Variants in FAM20A observed in about 807,000 individuals in gnomAD.
FAM20A encodes pseudokinase FAM20A.
FAM20A carries 42 observed loss-of-function variants against 52.0 expected under a neutral mutation model. That is an observed-to-expected ratio of 0.81 (90% confidence interval 0.63 to 1.04). FAM20A has a LOEUF of 1.04. Ranked by LOEUF, FAM20A falls within the 50% of genes least tolerant of loss-of-function variation. The pLI is 0.00. For missense variants in FAM20A, 742 were observed against 712.7 expected (o/e 1.04, Z -0.47); for synonymous variants, 304 against 298.9 (o/e 1.02, Z -0.18).
rs750588173 is a variant in FAM20A at position 68,600,466 on chromosome 17, G to A, written c.201C>T (p.Ile67=). 7 of 1,608,370 alleles carry A rather than the reference G, an allele frequency of 4.4e-6. No individual in the cohort carries two copies. The highest frequency in any genetic ancestry group is 2.7e-5 in the African/African-American group (2 of 74,802). ...SAAAASDPGT[I]VHNFSRTEPR... is the part of the protein sequence containing the mutation. ...GCTCGGTTCGGGAAAAGTTGTGCAC[G>A]ATCGTGCCGGGGTCCGAGGCAGCTG... Residue 67 remains isoleucine (I), a synonymous_variant, in exon 1 of 11, where the codon ATC becomes ATT. Transcript: ENST00000592554. The surrounding 1 kb of genome is among the most constrained non-coding windows in gnomAD (Gnocchi z 6.2).
intron 1 of FAM20A, among the ~76,000 whole-genome samples, chr17:68,583,244 TG>T (rs1568776929): frequency 6.6e-6 from 1 of 152,194 alleles, no homozygotes; most frequent in African/African-American, 2.4e-5. Flanking sequence ...AGTTTTCTGT[TG>T]GGGCCCTAAC....
In FAM20A at chr17:68,535,519, T is replaced by A. The variant is rs768183149; in HGVS notation, c.*1958A>T. The A allele has an allele frequency of 2.6e-5, 12 of 454,058 alleles. No homozygotes were observed. The highest frequency in any genetic ancestry group is 1.9e-4 in the South Asian group (12 of 64,472). The allele number at this position is 454,058 out of a possible 1,614,324, so 28.1% of individuals were successfully genotyped here. Reference sequence around the variant, plus strand: ...GATATTTTCCCATTTCTGTGTGTGATCTCCTGGTTCTTCATCCACAGGGAA... The same window carrying A: ...GATATTTTCCCATTTCTGTGTGTGAACTCCTGGTTCTTCATCCACAGGGAA... On this transcript the variant is annotated 3_prime_UTR_variant, in exon 11 of 11. Coordinates refer to ENST00000592554, the MANE Select transcript of FAM20A (RefSeq NM_017565.4).
rs1404407317 is a variant in FAM20A at position 68,536,997 on chromosome 17, G to A, written c.*480C>T. 3 of 454,878 alleles carry A rather than the reference G, an allele frequency of 6.6e-6. No individual in the cohort carries two copies. The highest frequency in any genetic ancestry group is 2.3e-5 in the Admixed American group (1 of 42,598). The allele number at this position is 454,878 out of a possible 1,614,324, so 28.2% of individuals were successfully genotyped here. On this transcript the variant is annotated 3_prime_UTR_variant, in exon 11 of 11. Coordinates refer to ENST00000592554, the MANE Select transcript of FAM20A (RefSeq NM_017565.4). Reference sequence around the variant, plus strand: ...TGAGGTCTAATTTGAACCTGTCAGAGTTACTGTTGCCTGCGCTGGCCCAAA... The same window carrying A: ...TGAGGTCTAATTTGAACCTGTCAGAATTACTGTTGCCTGCGCTGGCCCAAA...
chr17:68,548,767 C>T (rs1341381283), intron 4 of FAM20A, among the ~76,000 whole-genome samples: 2 of 128,932 alleles, frequency 1.6e-5, no homozygotes, highest in Non-Finnish European at 1.6e-5. Flanking sequence ...GAATCTCCCT[C>T]TGTCGCCTGG....
chr17:68,544,629 A>G (rs1195553872), intron 4 of FAM20A, among the ~76,000 whole-genome samples: 1 of 152,242 alleles, frequency 6.6e-6, no homozygotes, highest in Non-Finnish European at 1.5e-5. Context: ...TTTTGCCAAA[A>G]AACACGAGTG....
intron 1 of FAM20A, among the ~76,000 whole-genome samples, chr17:68,563,780 A>G (rs2087293680): frequency 6.6e-6 from 1 of 152,162 alleles, no homozygotes. Context: ...ATGTCAGTCC[A>G]CTTCAATATC....
chr17:68,573,598 TTC>T (rs144136828), intron 1 of FAM20A, among the ~76,000 whole-genome samples: 2,528 of 151,062 alleles, frequency 0.017, 54 homozygotes, highest in African/African-American at 0.058. Context: ...TTTCCTTTCT[TTC>T]TCTCTCTTTT....
intron 7 of FAM20A, chr17:68,541,698 G>C (rs934398027): frequency 8.6e-6 from 3 of 347,056 alleles, no homozygotes; most frequent in East Asian, 5.3e-5. Context: ...CTACATGTCT[G>C]TTCTCCCCAC....
chr17:68,541,549 G>A, intron 7 of FAM20A: 1 of 191,298 alleles, frequency 5.2e-6, no homozygotes, highest in South Asian at 1.1e-4. Flanking sequence ...TATGTGCCAG[G>A]GAGGGTGCTA....
intron 1 of FAM20A, among the ~76,000 whole-genome samples, chr17:68,585,815 C>T (rs2088151203): frequency 6.6e-6 from 1 of 152,220 alleles, no homozygotes; most frequent in African/African-American, 2.4e-5. Flanking sequence ...GGGCACAGTG[C>T]TAGCAGAGAG....
chr17:68,600,826 G>A lies in FAM20A; in HGVS notation c.-160C>T, dbSNP rs1181228470. 8 of 716,706 alleles carry A rather than the reference G, an allele frequency of 1.1e-5. No homozygotes were observed. The highest frequency in any genetic ancestry group is 1.7e-5 in the Non-Finnish European group (8 of 459,764). 44.4% of individuals were successfully genotyped at this position (716,706 alleles called of 1,614,324 possible). A position where few individuals can be genotyped will look rare whatever the true frequency, so the allele number is the denominator to read the frequency against. On this transcript the variant is annotated 5_prime_UTR_variant, in exon 1 of 11. Transcript: ENST00000592554. This position sits in a 1 kb window ranked among gnomAD's most constrained non-coding sequence, Gnocchi z 6.2. ...CGCGCGGGCTAGTCCCCTGTGGAGG[G>A]GTGTCGCTCCTCAACTTGGGGACCA...
chr17:68,589,208 G>A (rs1276760271), intron 1 of FAM20A, among the ~76,000 whole-genome samples: 1 of 152,156 alleles, frequency 6.6e-6, no homozygotes, highest in Non-Finnish European at 1.5e-5. Flanking sequence ...AGGCCACGTG[G>A]AGCCAAGATC....
intron 1 of FAM20A, chr17:68,558,186 C>T (rs2087108140): frequency 4.0e-6 from 1 of 249,286 alleles, no homozygotes; most frequent in Non-Finnish European, 8.6e-6. Flanking sequence ...CGGCTGAAGC[C>T]AGCAAGGAAA....
chr17:68,544,396 A>T (rs2086453854), intron 4 of FAM20A, among the ~76,000 whole-genome samples: 1 of 152,180 alleles, frequency 6.6e-6, no homozygotes, highest in Non-Finnish European at 1.5e-5. Context: ...TACATTCATG[A>T]AAGTGCTTTT....
Position 68,555,692 on chromosome 17 carries a change from T to G in FAM20A, c.456A>C (p.Pro152=). 1.9e-6 allele frequency: 3 copies of G among 1,613,886 alleles called. No homozygotes were observed. The South Asian group carries it at 3.3e-5, about 18-fold the overall frequency. Reference sequence around the variant, plus strand: ...AGCTGGCCTCGAGTCGGAGCTGCAGTGGGGGGTCCAGGGAGGTAAGGTTCA... The same window carrying G: ...AGCTGGCCTCGAGTCGGAGCTGCAGGGGGGGGTCCAGGGAGGTAAGGTTCA... ...EQMNLTSLDP[P]LQLRLEASWV... is the part of the protein sequence containing the mutation. Residue 152 remains proline (P), a synonymous_variant, in exon 2 of 11, where the codon CCA becomes CCC. Transcript: ENST00000592554.
At chr17:68,557,773 C>A (rs12948496) in intron 1 of FAM20A, among the ~76,000 whole-genome samples, 4,989 of 152,268 alleles carry the variant, frequency 0.033, 102 homozygotes, top group Non-Finnish European at 0.052. Flanking sequence ...TCACCACCCC[C>A]ATTCATGGCG....
At chr17:68,539,303 A>G in intron 10 of FAM20A, 34 bp downstream of exon 10, 1 of 1,611,178 alleles carries the variant, frequency 6.2e-7, no homozygotes, top group Admixed American at 1.7e-5. Flanking sequence ...CACAACTGTT[A>G]CTTGCCCGTA....
At chr17:68,583,081 G>A (rs906103880) in intron 1 of FAM20A, among the ~76,000 whole-genome samples, 1 of 151,696 alleles carries the variant, frequency 6.6e-6, no homozygotes, top group Non-Finnish European at 1.5e-5. Context: ...GCTGAGATTA[G>A]TGCCAGGATT....
intron 1 of FAM20A, among the ~76,000 whole-genome samples, chr17:68,571,722 C>A (rs1436849463): frequency 6.6e-6 from 1 of 151,590 alleles, no homozygotes; most frequent in Non-Finnish European, 1.5e-5. Flanking sequence ...TGGAAGAATC[C>A]TCCTTCATAC....
Sources: gnomAD v4.1 joint callset for allele counts (sites outside exome capture counted in the v4.1 genomes callset) on GRCh38, gnomAD v4.1.1 for gene constraint, Gnocchi (gnomAD v3.1) non-coding constraint, MANE v1.5 for transcripts, NCBI Gene and HGNC (gene_info 2026-07-23, HGNC 2026-07-21) for gene names.